Variants in TAFA5 observed in about 807,000 individuals in gnomAD.
TAFA5 encodes the protein TAFA chemokine like family member 5.
A neutral mutation model predicts 15.3 loss-of-function variants in TAFA5; 6 were observed. That is an observed-to-expected ratio of 0.39 (90% CI 0.21 to 0.77). The LOEUF is 0.77. TAFA5 is among the 30% of genes least tolerant of loss of function. The pLI, the probability that TAFA5 is intolerant of heterozygous loss-of-function variation, is 0.41. For synonymous variants in TAFA5, 103 were observed against 80.7 expected (o/e 1.28, Z -1.48); for missense variants, 161 against 193.1 (o/e 0.83, Z 0.98).
At chr22:48,620,949 C>T (rs1925800552) in intron 1 of TAFA5, among the ~76,000 whole-genome samples, 1 of 140,554 alleles carries the variant, frequency 7.1e-6, no homozygotes, top group Non-Finnish European at 1.5e-5. Context: ...CCCACCCTAT[C>T]TATCCACCCA....
intron 1 of TAFA5, among the ~76,000 whole-genome samples, chr22:48,541,288 GA>G (rs1417404006): frequency 6.6e-6 from 1 of 152,092 alleles, no homozygotes; most frequent in Non-Finnish European, 1.5e-5. Flanking sequence ...CTTTGTGCAG[GA>G]ACCCAGAGAC....
intron 1 of TAFA5, among the ~76,000 whole-genome samples, chr22:48,564,376 C>G (rs961091832): frequency 6.6e-6 from 1 of 152,192 alleles, no homozygotes; most frequent in Non-Finnish European, 1.5e-5. Flanking sequence ...CGAAGGGACA[C>G]AAAATGAAGG....
chr22:48,743,128 T>G (rs1930229117), intron 3 of TAFA5, among the ~76,000 whole-genome samples: 1 of 152,162 alleles, frequency 6.6e-6, no homozygotes, highest in African/African-American at 2.4e-5. Flanking sequence ...CTGTTCTGGG[T>G]CCAGACGTCT....
chr22:48,708,807 C>T (rs1351875600), intron 3 of TAFA5, among the ~76,000 whole-genome samples: 1 of 152,230 alleles, frequency 6.6e-6, no homozygotes, highest in Non-Finnish European at 1.5e-5. Flanking sequence ...CCCAGGATTG[C>T]ACAGGGAGAG....
intron 2 of TAFA5, among the ~76,000 whole-genome samples, chr22:48,695,873 C>T (rs916752865): frequency 6.6e-6 from 1 of 152,210 alleles, no homozygotes; most frequent in Non-Finnish European, 1.5e-5. Context: ...GTTCTGCATA[C>T]AGCATCACTC....
Position 48,550,860 on chromosome 22 carries a change from GA to G in TAFA5, c.112+61157del, listed in dbSNP as rs1922831290. ...CCTGAGTCGTGCCCGGGACCATGTG[GA>G]TCCCTTTCGTTCCTGTGTCACCTGG... On this transcript the variant is annotated intron_variant, in intron 1 of 3. Transcript: ENST00000402357. The surrounding 1 kb of genome is among the most constrained non-coding windows in gnomAD (Gnocchi z 4.1). Among the ~76,000 whole-genome samples, 1 of 152,092 alleles carries G rather than the reference GA, an allele frequency of 6.6e-6. No individual in the cohort carries two copies. Among genetic ancestry groups the G allele is most frequent in the Non-Finnish European group, 1.5e-5 (1 of 68,006 alleles).
chr22:48,655,827 A>ATTTTTTT (rs1927217579), intron 2 of TAFA5, among the ~76,000 whole-genome samples: 1 of 89,438 alleles, frequency 1.1e-5, no homozygotes, highest in African/African-American at 5.1e-5. Context: ...CCAAACACTG[A>ATTTTTTT]TTCTTTTTTT....
intron 1 of TAFA5, chr22:48,576,608 C>G: frequency 7.3e-7 from 1 of 1,360,978 alleles, no homozygotes; most frequent in Non-Finnish European, 9.6e-7. Flanking sequence ...GTCCTCCGCG[C>G]TCTGCCCGGC....
chr22:48,656,000 G>A (rs960727920), intron 2 of TAFA5, among the ~76,000 whole-genome samples: 2 of 140,348 alleles, frequency 1.4e-5, no homozygotes, highest in Non-Finnish European at 3.1e-5. Context: ...CACTACACCC[G>A]GCTAATTTTT....
intron 1 of TAFA5, among the ~76,000 whole-genome samples, chr22:48,628,803 T>G (rs1569054514): frequency 6.6e-6 from 1 of 152,194 alleles, no homozygotes; most frequent in Admixed American, 6.5e-5. Flanking sequence ...CCAACAGTTA[T>G]GGGAAGTATC....
chr22:48,517,018 T>C (rs11090851), intron 1 of TAFA5, among the ~76,000 whole-genome samples: 44,531 of 152,156 alleles, frequency 0.29, 7,365 homozygotes, highest in Middle Eastern at 0.41. Context: ...TGGCATCTAG[T>C]GCAGCCACCA....
At chr22:48,603,103 C>A (rs1925034557) in intron 1 of TAFA5, among the ~76,000 whole-genome samples, 1 of 152,248 alleles carries the variant, frequency 6.6e-6, no homozygotes, top group Admixed American at 6.5e-5. Flanking sequence ...CCCTGGAGCC[C>A]AGGCCAGGCC....
At chr22:48,743,780 G>A (rs549909567) in intron 3 of TAFA5, among the ~76,000 whole-genome samples, 132 of 152,324 alleles carry the variant, frequency 8.7e-4, no homozygotes, top group Non-Finnish European at 1.6e-3. Flanking sequence ...GCCTGCATTC[G>A]TCTTTGCCGC....
At chr22:48,541,926 G>A (rs979347903) in intron 1 of TAFA5, among the ~76,000 whole-genome samples, 4 of 152,208 alleles carry the variant, frequency 2.6e-5, no homozygotes, top group African/African-American at 9.6e-5. Context: ...GGGATCGTGT[G>A]GGTGCTGAGT....
intron 1 of TAFA5, among the ~76,000 whole-genome samples, chr22:48,558,940 G>C (rs1207735160): frequency 2.0e-5 from 3 of 152,242 alleles, no homozygotes; most frequent in African/African-American, 7.2e-5. Flanking sequence ...CAGGTGCCAG[G>C]CCTGAACTGT....
intron 2 of TAFA5, among the ~76,000 whole-genome samples, chr22:48,707,025 A>G (rs910425666): frequency 6.6e-6 from 1 of 152,214 alleles, no homozygotes; most frequent in African/African-American, 2.4e-5. Flanking sequence ...GTGGGGAGCC[A>G]GTGCCCCCAT....
At chr22:48,687,784 T>G (rs1230880771) in intron 2 of TAFA5, among the ~76,000 whole-genome samples, 1 of 152,124 alleles carries the variant, frequency 6.6e-6, no homozygotes, top group African/African-American at 2.4e-5. Context: ...GGGGGGAACA[T>G]GTAGCTGCCC....
chr22:48,564,470 C>T (rs1053201182), intron 1 of TAFA5, among the ~76,000 whole-genome samples: 2 of 152,216 alleles, frequency 1.3e-5, no homozygotes, highest in African/African-American at 2.4e-5. Flanking sequence ...CTTGCAGCTG[C>T]AGGACAGTGG....
intron 1 of TAFA5, among the ~76,000 whole-genome samples, chr22:48,632,267 T>C (rs993290882): frequency 6.6e-6 from 1 of 152,080 alleles, no homozygotes. Context: ...GGTTGAGGCT[T>C]TTCTGATCCA....
Sources: allele counts gnomAD v4.1 joint callset (sites outside exome capture counted in the v4.1 genomes callset), GRCh38; gene constraint gnomAD v4.1.1; non-coding constraint Gnocchi (gnomAD v3.1); transcripts MANE v1.5; gene names NCBI Gene and HGNC (gene_info 2026-07-23, HGNC 2026-07-21).